The following ADARB2 variants were observed in gnomAD, a reference collection of about 807,000 sequenced individuals.
The protein encoded by ADARB2 is inactive double-stranded RNA-specific editase B2.
ADARB2 carries 25 observed loss-of-function variants against 62.2 expected under a neutral mutation model. The observed-to-expected ratio is 0.40, with a 90% CI of 0.29 to 0.56. The LOEUF is 0.56. Among genes scored for constraint, ADARB2 ranks in the 20% least tolerant of loss-of-function variants. The probability of loss-of-function intolerance (pLI) is 0.43; values close to 1 mark genes in which losing one functional copy is unlikely to be tolerated. For missense variants in ADARB2, 1,071 were observed against 1,077.4 expected, an observed-to-expected ratio of 0.99 and a Z score of 0.08; for synonymous variants, 572 against 500.8, an observed-to-expected ratio of 1.14 and a Z score of -1.90.
intron 3 of ADARB2, among the ~76,000 whole-genome samples, chr10:1,274,946 G>A (rs938024850): frequency 2.0e-5 from 3 of 152,222 alleles, no homozygotes; most frequent in African/African-American, 7.2e-5. Context: ...GGACACGGGT[G>A]AAGGCGGCTG....
intron 1 of ADARB2, among the ~76,000 whole-genome samples, chr10:1,587,218 C>CAACAA (rs1346379519): frequency 1.3e-5 from 2 of 152,030 alleles, no homozygotes; most frequent in Non-Finnish European, 1.5e-5. Flanking sequence ...AAAAACAAAA[C>CAACAA]AACAAAACAA....
intron 1 of ADARB2, among the ~76,000 whole-genome samples, chr10:1,490,160 T>C (rs1295672872): frequency 6.6e-6 from 1 of 152,184 alleles, no homozygotes; most frequent in Non-Finnish European, 1.5e-5. Flanking sequence ...GAAGCAAGCC[T>C]AACGCCAGCC....
chr10:1,455,372 C>G (rs1289434993), intron 1 of ADARB2, among the ~76,000 whole-genome samples: 2 of 151,930 alleles, frequency 1.3e-5, no homozygotes, highest in African/African-American at 4.8e-5. Flanking sequence ...TACAGACTTC[C>G]TAAGTTAGGG....
chr10:1,466,006 T>TA (rs1831250863), intron 1 of ADARB2, among the ~76,000 whole-genome samples: 1 of 152,260 alleles, frequency 6.6e-6, no homozygotes, highest in South Asian at 2.1e-4. Flanking sequence ...TGTGTCTCTT[T>TA]AAATTCTTTT....
chr10:1,247,850 T>A (rs958454668), intron 4 of ADARB2, among the ~76,000 whole-genome samples: 13 of 152,170 alleles, frequency 8.5e-5, no homozygotes, highest in Admixed American at 8.5e-4. Flanking sequence ...CCTCCAGGTA[T>A]AAACCAGTGG....
At chr10:1,230,090 G>A (rs1360498988) in intron 6 of ADARB2, among the ~76,000 whole-genome samples, 19 of 152,106 alleles carry the variant, frequency 1.2e-4, no homozygotes, top group Non-Finnish European at 1.0e-4. Context: ...TGAAACCTCT[G>A]TGCAGAGTCT....
At chr10:1,235,153 A>G (rs1439439700) in intron 5 of ADARB2, among the ~76,000 whole-genome samples, 1 of 150,178 alleles carries the variant, frequency 6.7e-6, no homozygotes, top group East Asian at 2.0e-4. Flanking sequence ...TCATGGCCAT[A>G]CCTCACAGTG....
intron 6 of ADARB2, among the ~76,000 whole-genome samples, chr10:1,227,561 C>A (rs549132387): frequency 6.6e-6 from 1 of 152,300 alleles, no homozygotes; most frequent in East Asian, 1.9e-4. Context: ...CCCCCTAGAT[C>A]CTCATTTCTA....
intron 1 of ADARB2, among the ~76,000 whole-genome samples, chr10:1,569,065 A>G (rs924826352): frequency 4.0e-5 from 6 of 151,034 alleles, no homozygotes; most frequent in Admixed American, 2.6e-4. Flanking sequence ...AGAGAAAGAG[A>G]GACAGAGACA....
chr10:1,289,399 G>A (rs1039465218), intron 3 of ADARB2, among the ~76,000 whole-genome samples: 5 of 152,160 alleles, frequency 3.3e-5, no homozygotes, highest in East Asian at 1.9e-4. Context: ...CCTTAACCTC[G>A]GCAAAATAAA....
intron 1 of ADARB2, among the ~76,000 whole-genome samples, chr10:1,608,056 G>A (rs142984284): frequency 6.6e-6 from 1 of 152,318 alleles, no homozygotes; most frequent in East Asian, 1.9e-4. Flanking sequence ...AGGTTTCAGG[G>A]GGATTCTGAA....
intron 1 of ADARB2, among the ~76,000 whole-genome samples, chr10:1,447,387 C>G (rs1458703259): frequency 6.6e-6 from 1 of 152,138 alleles, no homozygotes; most frequent in African/African-American, 2.4e-5. Context: ...CCCTGTGGCT[C>G]ATGGCAGGTA....
chr10:1,433,650 C>T lies in ADARB2; in HGVS notation c.101-54490G>A, dbSNP rs7903647. 3.3e-3 allele frequency among the ~76,000 whole-genome samples: 506 copies of T among 152,220 alleles called. 4 individuals are homozygous for T. Among genetic ancestry groups the T allele is most frequent in the African/African-American group, 0.012 (495 of 41,536 alleles). On this transcript the variant is annotated intron_variant, in intron 1 of 9. Transcript: ENST00000381312. ...TCCAACCCTGAGCCTGAGTGTCTCT[C>T]CCAGGCCCACCTCCCACCAACCCTG...
rs574013026 is a variant in ADARB2, at chr10:1,345,568, C to T, written c.1077+17460G>A. Among the ~76,000 whole-genome samples the T allele has an allele frequency of 1.9e-4, 29 of 152,192 alleles. 1 individual carries two copies. The highest frequency in any genetic ancestry group is 1.0e-3 in the South Asian group (5 of 4,818). On this transcript the variant is annotated intron_variant, in intron 3 of 9. Coordinates refer to ENST00000381312, the MANE Select transcript of ADARB2 (RefSeq NM_018702.4). ...GGAACTGAGCCAGCCCAGCCTCATG[C>T]ACACGGCTCTGCTGGTGACCTGGAT...
At chr10:1,499,884 CT>C (rs1337359929) in intron 1 of ADARB2, among the ~76,000 whole-genome samples, 1 of 152,072 alleles carries the variant, frequency 6.6e-6, no homozygotes, top group African/African-American at 2.4e-5. Context: ...TCATTACTCA[CT>C]TATCTCTCAT....
intron 5 of ADARB2, among the ~76,000 whole-genome samples, chr10:1,238,678 T>C (rs1451709552): frequency 4.1e-3 from 1 of 244 alleles, no homozygotes; most frequent in East Asian, 0.071. Flanking sequence ...TCCCGGTGTT[T>C]ACTCCCCCCT....
At chr10:1,643,167 T>C (rs886330938) in intron 1 of ADARB2, among the ~76,000 whole-genome samples, 1 of 152,244 alleles carries the variant, frequency 6.6e-6, no homozygotes, top group Non-Finnish European at 1.5e-5. Flanking sequence ...GACTCTACTC[T>C]GCCTTCCCTA....
intron 1 of ADARB2, among the ~76,000 whole-genome samples, chr10:1,587,247 T>G (rs1272532079): frequency 1.3e-5 from 2 of 152,122 alleles, no homozygotes; most frequent in African/African-American, 4.8e-5. Flanking sequence ...GAACAATGAT[T>G]TCTGACATGA....
chr10:1,710,093 A>T (rs1273805395), intron 1 of ADARB2, among the ~76,000 whole-genome samples: 1 of 152,172 alleles, frequency 6.6e-6, no homozygotes, highest in African/African-American at 2.4e-5. Flanking sequence ...CAAAACCGGG[A>T]AGGTTCACAG....
Sources: allele counts gnomAD v4.1 joint callset (sites outside exome capture counted in the v4.1 genomes callset), GRCh38; gene constraint gnomAD v4.1.1; transcripts MANE v1.5; gene names NCBI Gene and HGNC (gene_info 2026-07-23, HGNC 2026-07-21).